The following ARHGEF10L variants were observed in gnomAD, a reference collection of about 807,000 sequenced individuals.
ARHGEF10L encodes rho guanine nucleotide exchange factor 10-like protein.
ARHGEF10L carries 69 observed loss-of-function variants against 141.2 expected under a neutral mutation model. The ratio of observed to expected loss-of-function variants is 0.49; its 90% CI spans 0.40 to 0.60. The LOEUF (loss-of-function observed/expected upper bound fraction) is 0.60. Among genes scored for constraint, ARHGEF10L ranks in the 20% least tolerant of loss-of-function variants. The pLI, the probability that ARHGEF10L is intolerant of heterozygous loss-of-function variation, is 0.00. For synonymous variants in ARHGEF10L, 711 were observed against 718.5 expected (o/e 0.99, Z 0.17); for missense variants, 1,482 against 1,734.3 (o/e 0.85, Z 2.58).
rs1264675019 is a variant in ARHGEF10L at position 17,558,734 on chromosome 1, C to T, written c.-44+18784C>T. 1.3e-5 allele frequency among the ~76,000 whole-genome samples: 2 copies of T among 152,142 alleles called. No homozygotes were observed. The highest frequency in any genetic ancestry group is 2.1e-4 in the South Asian group (1 of 4,828). On this transcript the variant is annotated intron_variant, in intron 1 of 28. Transcript: ENST00000361221. This position sits in a 1 kb window ranked among gnomAD's most constrained non-coding sequence, Gnocchi z 4.2. Reference sequence around the variant, plus strand: ...GTCTGGGCCTCAGTAGATGCTTAGCCAACATGAGTTGTCAGTGAATGGGGA... The same window carrying T: ...GTCTGGGCCTCAGTAGATGCTTAGCTAACATGAGTTGTCAGTGAATGGGGA...
intron 14 of ARHGEF10L, among the ~76,000 whole-genome samples, chr1:17,626,873 C>T (rs1010716295): frequency 3.3e-5 from 5 of 152,256 alleles, no homozygotes; most frequent in African/African-American, 7.2e-5. Flanking sequence ...TTTTTCTTTT[C>T]GTGACTGGCT....
At position 17,639,392 on chromosome 1, in the gene ARHGEF10L, G is replaced by A. The variant is rs1043069353; in HGVS notation, c.2171+703G>A. Among the ~76,000 whole-genome samples the A allele has an allele frequency of 3.9e-5, 6 of 152,200 alleles. No homozygotes were observed. The highest frequency in any genetic ancestry group is 5.9e-5 in the Non-Finnish European group (4 of 68,040). On this transcript the variant is annotated intron_variant, in intron 20 of 28. Coordinates refer to ENST00000361221, the MANE Select transcript of ARHGEF10L (RefSeq NM_018125.4). This position sits in a 1 kb window ranked among gnomAD's most constrained non-coding sequence, Gnocchi z 4.3. ...TGGCCTCCAGGGTGGGGTGAAGGTG[G>A]GGATAGAGTGTCACAAGCACAGTGG...
In ARHGEF10L at chr1:17,558,284, C is replaced by T. The variant is rs1435303865; in HGVS notation, c.-44+18334C>T. On this transcript the variant is annotated intron_variant, in intron 1 of 28. Transcript: ENST00000361221. The surrounding 1 kb of genome is among the most constrained non-coding windows in gnomAD (Gnocchi z 4.2). ...ATTCATTCATCTATCCATCCACCCACCCGCCCATTTATTCACCCACTCATC... is the reference window on the plus strand; with the variant it reads ...ATTCATTCATCTATCCATCCACCCATCCGCCCATTTATTCACCCACTCATC... Among the ~76,000 whole-genome samples, 1 of 152,206 alleles carries T rather than the reference C, an allele frequency of 6.6e-6. No homozygotes were observed. Among genetic ancestry groups the T allele is most frequent in the Non-Finnish European group, 1.5e-5 (1 of 68,048 alleles).
Position 17,557,356 on chromosome 1 carries a change from C to CAA in ARHGEF10L, c.-44+17413_-44+17414dup, listed in dbSNP as rs142762660. ...AGACTCCATCTCAAAAAAAAAAAAACAAAAAAAACCAAAAAAAACAAAAAG... is the reference window on the plus strand; with the variant it reads ...AGACTCCATCTCAAAAAAAAAAAAACAAAAAAAAAACCAAAAAAAACAAAAAG... On this transcript the variant is annotated intron_variant, in intron 1 of 28. Transcript: ENST00000361221. Among the ~76,000 whole-genome samples, 4 of 148,334 alleles carry CAA rather than the reference C, an allele frequency of 2.7e-5. No homozygotes were observed. In the South Asian group the frequency reaches 8.6e-4, roughly 32 times the overall value.
chr1:17,694,381 C>A, intron 27 of ARHGEF10L: 1 of 157,464 alleles, frequency 6.4e-6, no homozygotes, highest in South Asian at 1.9e-4. Flanking sequence ...GAATCCCGCA[C>A]CTGGCTCTGG....
chr1:17,596,341 T>A (rs2080096414), intron 4 of ARHGEF10L, among the ~76,000 whole-genome samples: 1 of 152,206 alleles, frequency 6.6e-6, no homozygotes, highest in Non-Finnish European at 1.5e-5. Flanking sequence ...GATCGGGCCA[T>A]CATGCTGGGA....
In ARHGEF10L at chr1:17,621,296, G is replaced by A. The variant is rs996369390; in HGVS notation, c.943-568G>A. Among the ~76,000 whole-genome samples the A allele has an allele frequency of 1.3e-5, 2 of 152,228 alleles. No individual in the cohort carries two copies. Among genetic ancestry groups the A allele is most frequent in the East Asian group, 1.9e-4 (1 of 5,176 alleles). ...TGCCCAGGCTGGAGTGCAGTGGCGC[G>A]ATCTTGGCCCACTGCAACCTCTGCC... On this transcript the variant is annotated intron_variant, in intron 10 of 28. Coordinates refer to ENST00000361221, the MANE Select transcript of ARHGEF10L (RefSeq NM_018125.4). This position sits in a 1 kb window ranked among gnomAD's most constrained non-coding sequence, Gnocchi z 4.1.
intron 25 of ARHGEF10L, among the ~76,000 whole-genome samples, chr1:17,661,915 A>G (rs1342217849): frequency 6.6e-6 from 1 of 151,238 alleles, no homozygotes; most frequent in South Asian, 2.1e-4. Flanking sequence ...GGGGTTGGAG[A>G]AGCAGGCCAG....
At chr1:17,585,783 ATC>A (rs2078974528) in intron 2 of ARHGEF10L, among the ~76,000 whole-genome samples, 2 of 152,088 alleles carry the variant, frequency 1.3e-5, no homozygotes, top group African/African-American at 4.8e-5. Flanking sequence ...CCATCTGCCC[ATC>A]TCTCTGTTCC....
intron 1 of ARHGEF10L, among the ~76,000 whole-genome samples, chr1:17,559,167 C>T (rs1357423478): frequency 6.6e-6 from 1 of 152,180 alleles, no homozygotes; most frequent in African/African-American, 2.4e-5. Flanking sequence ...GCAAGTGTCT[C>T]AACCTTTCTG....
intron 15 of ARHGEF10L, among the ~76,000 whole-genome samples, chr1:17,629,820 G>A (rs972918656): frequency 5.3e-5 from 8 of 152,282 alleles, no homozygotes; most frequent in South Asian, 4.1e-4. Context: ...CCCCACCTTC[G>A]GCTCCCTCTT....
chr1:17,589,506 G>C (rs925553142), intron 4 of ARHGEF10L, among the ~76,000 whole-genome samples: 15 of 152,232 alleles, frequency 9.9e-5, no homozygotes, highest in African/African-American at 2.9e-4. Context: ...TAATTCTCAG[G>C]GTGGTGTCAC....
At chr1:17,525,269 CT>C in the ARHGEF10L span, among the ~76,000 whole-genome samples, 1,607 of 152,280 alleles carry the variant, frequency 0.011, 32 homozygotes, top group East Asian at 0.066. Flanking sequence ...GTCTCTCCCC[CT>C]GAGCAATGTT....
At chr1:17,557,493 G>A (rs1474330262) in intron 1 of ARHGEF10L, among the ~76,000 whole-genome samples, 1 of 152,182 alleles carries the variant, frequency 6.6e-6, no homozygotes, top group Non-Finnish European at 1.5e-5. Flanking sequence ...CCCACACACT[G>A]GTGTGTCCCA....
At chr1:17,693,080 C>T (rs1000742872) in intron 27 of ARHGEF10L, among the ~76,000 whole-genome samples, 1 of 152,210 alleles carries the variant, frequency 6.6e-6, no homozygotes, top group Non-Finnish European at 1.5e-5. Flanking sequence ...GTTTACATCC[C>T]TTGTTTCTGT....
At chr1:17,557,927 T>A (rs2077399447) in intron 1 of ARHGEF10L, among the ~76,000 whole-genome samples, 1 of 152,144 alleles carries the variant, frequency 6.6e-6, no homozygotes, top group Non-Finnish European at 1.5e-5. Context: ...TCCAGTAAAT[T>A]CCACACTGAA....
rs2062211675 is a variant in ARHGEF10L at position 17,655,873 on chromosome 1, T to C, written c.2482-6T>C. 1.3e-6 allele frequency: 2 copies of C among 1,551,712 alleles called. No homozygotes were observed. Among genetic ancestry groups the C allele is most frequent in the South Asian group, 2.4e-5 (2 of 84,182 alleles). ...CCTGATGGCCTCTCTGGGTCTCTGC[T>C]CCCAGGTCGGGGGCGGACAGGAAGG... On this transcript the variant is annotated splice_polypyrimidine_tract_variant and splice_region_variant and intron_variant, in intron 23 of 28. Transcript: ENST00000361221.
At chr1:17,576,864 C>T (rs1162749016) in intron 1 of ARHGEF10L, among the ~76,000 whole-genome samples, 2 of 152,218 alleles carry the variant, frequency 1.3e-5, no homozygotes, top group African/African-American at 2.4e-5. Flanking sequence ...ATCCTCTAAA[C>T]GTGGCCTTCG....
intron 1 of ARHGEF10L, among the ~76,000 whole-genome samples, chr1:17,553,246 A>C (rs1197251531): frequency 6.6e-6 from 1 of 152,236 alleles, no homozygotes; most frequent in Non-Finnish European, 1.5e-5. Context: ...GAGCTTGGGC[A>C]ACATTTCACT....
Sources: allele counts gnomAD v4.1 joint callset (sites outside exome capture counted in the v4.1 genomes callset), GRCh38; gene constraint gnomAD v4.1.1; non-coding constraint Gnocchi (gnomAD v3.1); transcripts MANE v1.5; gene names NCBI Gene and HGNC (gene_info 2026-07-23, HGNC 2026-07-21).